HID1: variants seen among roughly 807,000 people sequenced by gnomAD.
The protein encoded by HID1 is protein HID1.
Under a neutral mutation model 89.7 loss-of-function variants are expected in HID1, and 42 were observed. That is an observed-to-expected ratio of 0.47 (90% CI 0.37 to 0.61). The LOEUF (loss-of-function observed/expected upper bound fraction) is 0.61, where lower values mean the gene tolerates loss of function less well. HID1 is among the 20% of genes least tolerant of loss of function. The probability of loss-of-function intolerance (pLI) is 0.00; values close to 1 mark genes in which losing one functional copy is unlikely to be tolerated. For synonymous variants in HID1, 442 were observed against 433.8 expected (o/e 1.02, Z -0.24); for missense variants, 854 against 1,039.3 (o/e 0.82, Z 2.45).
At chr17:74,965,447 AGACACACATGCGTACACACG>A (rs1203802410) in intron 1 of HID1, among the ~76,000 whole-genome samples, 1 of 152,236 alleles carries the variant, frequency 6.6e-6, no homozygotes, top group East Asian at 1.9e-4. Flanking sequence ...ACGTGCACAC[AGACACACATGCGTACACACG>A]TGTCATACAC....
chr17:74,956,015 C>CAGGA, intron 12 of HID1, 59 bp from the exon 13 acceptor site: 1 of 1,548,828 alleles, frequency 6.5e-7, no homozygotes, highest in Non-Finnish European at 8.8e-7. Flanking sequence ...CCTGCACATC[C>CAGGA]TGGGCCGGGG....
chr17:74,958,511 G>T lies in HID1; in HGVS notation c.1241-33C>A. On this transcript the variant is annotated intron_variant, in intron 10 of 18. Transcript: ENST00000425042. This position sits in a 1 kb window ranked among gnomAD's most constrained non-coding sequence, Gnocchi z 5.2. ...AGGTGGCGTGGGAGGGGTCACTCGGGTGGGAGGGGGAAGGAGGGGCCCAGG... is the reference window on the plus strand; with the variant it reads ...AGGTGGCGTGGGAGGGGTCACTCGGTTGGGAGGGGGAAGGAGGGGCCCAGG... 6.4e-7 allele frequency: 1 copy of T among 1,574,606 alleles called. No individual in the cohort carries two copies. Among genetic ancestry groups the T allele is most frequent in the Non-Finnish European group, 8.6e-7 (1 of 1,160,428 alleles).
In HID1 at chr17:74,972,725, C is replaced by T. The variant is rs1042255203; in HGVS notation, c.-69G>A. On this transcript the variant is annotated 5_prime_UTR_variant, in exon 1 of 19. Transcript: ENST00000425042. The surrounding 1 kb of genome is among the most constrained non-coding windows in gnomAD (Gnocchi z 6.4). ...CCCGGCTCCGGCTTCAGCTCCGGCT[C>T]CAGCTCCGCGGCCCCCGCGGCTCTC... 1.1e-5 allele frequency: 16 copies of T among 1,410,036 alleles called. No individual in the cohort carries two copies. The African/African-American group carries it at 1.9e-4, about 17-fold the overall frequency. 87.3% of individuals were successfully genotyped at this position (1,410,036 alleles called of 1,614,324 possible).
intron 13 of HID1, among the ~76,000 whole-genome samples, chr17:74,955,330 T>C (rs1045961797): frequency 6.6e-6 from 1 of 151,568 alleles, no homozygotes; most frequent in African/African-American, 2.4e-5. Flanking sequence ...AGATTGCTTG[T>C]CTCTATTAAA....
At chr17:74,955,530 A>G (rs28549718) in intron 13 of HID1, among the ~76,000 whole-genome samples, 9,639 of 152,004 alleles carry the variant, frequency 0.063, 1,017 homozygotes, top group African/African-American at 0.22. Context: ...GATGTCCATC[A>G]TCTGTTTGAA....
chr17:74,954,723 C>G (rs9891650), intron 13 of HID1: 12 of 303,162 alleles, frequency 4.0e-5, no homozygotes, highest in Admixed American at 1.5e-4. Flanking sequence ...TCTCTTCCCA[C>G]CTCCCCTCGA....
intron 14 of HID1, 48 bp from the exon 15 acceptor site, chr17:74,953,699 T>C (rs1392527052): frequency 7.0e-7 from 1 of 1,430,212 alleles, no homozygotes; most frequent in South Asian, 1.2e-5. Flanking sequence ...ACAGTGACCC[T>C]TCTAGCCCTT....
rs1241590229 is a variant in HID1, at chr17:74,951,640, A to G, written c.2304-7T>C. 2 of 1,611,462 alleles carry G rather than the reference A, an allele frequency of 1.2e-6. No homozygotes were observed. Among genetic ancestry groups the G allele is most frequent in the South Asian group, 2.2e-5 (2 of 90,374 alleles). On this transcript the variant is annotated splice_polypyrimidine_tract_variant and splice_region_variant and intron_variant, in intron 18 of 18. Transcript: ENST00000425042. ...GACAGGGGGGTCCACATTCCTGTGGAGGAAATGGGGGGTTACCCAGGTGCT... is the reference window on the plus strand; with the variant it reads ...GACAGGGGGGTCCACATTCCTGTGGGGGAAATGGGGGGTTACCCAGGTGCT...
intron 1 of HID1, among the ~76,000 whole-genome samples, chr17:74,969,789 T>C (rs1159124057): frequency 6.7e-6 from 1 of 150,152 alleles, no homozygotes; most frequent in African/African-American, 2.5e-5. Flanking sequence ...TTTTTAGAGA[T>C]AGGGTCTTGC....
chr17:74,951,928 G>A lies in HID1; in HGVS notation c.2280C>T (p.Tyr760=), dbSNP rs1335700688. The A allele has an allele frequency of 6.5e-7, 1 of 1,541,640 alleles. No individual in the cohort carries two copies. Among genetic ancestry groups the A allele is most frequent in the East Asian group, 2.3e-5 (1 of 43,312 alleles). The change falls in exon 18 of 19, where the codon TAC becomes TAT. Residue 760 remains tyrosine, a synonymous_variant. Transcript: ENST00000425042. ...ACCTCAGATAGATGACGCCCCACAT[G>A]TAGGTGCGGAACCACATGGCAGTGC... is the stretch of plus-strand genomic sequence containing the variant. ...NSGTAMWFRT[Y]MWGVIYLRNV...
rs748143848 is a variant in HID1 at position 74,958,393 on chromosome 17, G to C, written c.1326C>G (p.Pro442=). 1 of 1,611,754 alleles carries C rather than the reference G, an allele frequency of 6.2e-7. No individual in the cohort carries two copies. Among genetic ancestry groups the C allele is most frequent in the Non-Finnish European group, 8.5e-7 (1 of 1,179,058 alleles). Residue 442 remains proline, a synonymous_variant, in exon 11 of 19, where the codon CCC becomes CCG. Transcript: ENST00000425042. The surrounding 1 kb of genome is among the most constrained non-coding windows in gnomAD (Gnocchi z 5.2). ...ERNFGVRLNK[P]YSIRVPMDIP... is the part of the protein sequence containing the mutation. ...TGTCCATGGGCACGCGGATTGAGTA[G>C]GGTTTGTTCAGCCGCACCCCGAAGT...
At position 74,972,583 on chromosome 17, in the gene HID1, T is replaced by C. The variant is rs1017617616; in HGVS notation, c.66+8A>G. ...GTGGATGGGGACGCCGGGGCCCCCG[T>C]GGCGCACCTGCGTCTTGGTGGTGAG... On this transcript the variant is annotated splice_region_variant and intron_variant, in intron 1 of 18. Transcript: ENST00000425042. The surrounding 1 kb of genome is among the most constrained non-coding windows in gnomAD (Gnocchi z 6.4). The C allele has an allele frequency of 1.6e-5, 24 of 1,545,568 alleles. No homozygotes were observed. Among genetic ancestry groups the C allele is most frequent in the Non-Finnish European group, 1.9e-5 (22 of 1,144,266 alleles).
rs201626389 is a variant in HID1, at chr17:74,964,635, G to A, written c.67-3C>T. ...GCATCATCGGTGGCTTCCACGGGCTGTGGGGGGACCAAGGGTCCAGAGTTA... is the reference window on the plus strand; with the variant it reads ...GCATCATCGGTGGCTTCCACGGGCTATGGGGGGACCAAGGGTCCAGAGTTA... On this transcript the variant is annotated splice_region_variant and splice_polypyrimidine_tract_variant and intron_variant, in intron 1 of 18. Coordinates refer to ENST00000425042, the MANE Select transcript of HID1 (RefSeq NM_030630.3). The A allele has an allele frequency of 1.2e-5, 20 of 1,610,652 alleles. No homozygotes were observed. Among genetic ancestry groups the A allele is most frequent in the East Asian group, 2.2e-5 (1 of 44,840 alleles).
At chr17:74,952,926 G>A (rs2039327467) in intron 16 of HID1, 80 bp downstream of exon 16, 8 of 1,100,464 alleles carry the variant, frequency 7.3e-6, no homozygotes, top group South Asian at 3.0e-5. Context: ...CTGGGCCAAG[G>A]AGCCCCAACC....
rs191787625 is a variant in HID1 at position 74,960,693 on chromosome 17, T to C, written c.729-445A>G. On this transcript the variant is annotated intron_variant, in intron 6 of 18. Coordinates refer to ENST00000425042, the MANE Select transcript of HID1 (RefSeq NM_030630.3). ...TGATAAGGCTGGTGAGAAAGAAAAC[T>C]CTGGCCAGCCTCGGACTGTGGCTGG... Among the ~76,000 whole-genome samples the C allele has an allele frequency of 1.4e-4, 21 of 152,284 alleles. 1 individual carries two copies. The East Asian group carries it at 3.7e-3, about 27-fold the overall frequency.
chr17:74,952,167 G>A, intron 17 of HID1, 102 bp downstream of exon 17: 2 of 1,520,350 alleles, frequency 1.3e-6, no homozygotes, highest in Non-Finnish European at 1.8e-6. Flanking sequence ...GCCTACCTAA[G>A]CCTAGGCTGG....
intron 1 of HID1, among the ~76,000 whole-genome samples, chr17:74,966,928 G>C (rs2144826772): frequency 6.6e-6 from 1 of 152,248 alleles, no homozygotes; most frequent in South Asian, 2.1e-4. Context: ...CTGGGCAACA[G>C]AGCAAGACTC....
Position 74,954,422 on chromosome 17 carries a change from A to G in HID1, c.1637-57T>C, listed in dbSNP as rs985244699. On this transcript the variant is annotated intron_variant, in intron 13 of 18. Coordinates refer to ENST00000425042, the MANE Select transcript of HID1 (RefSeq NM_030630.3). ...AGGCCCCCTCCAGCTCCCCCCGTCC[A>G]ATCTGGGTGGGCTTCCTGGAAGGGG... is the stretch of plus-strand genomic sequence containing the variant. 4 of 1,546,742 alleles carry G rather than the reference A, an allele frequency of 2.6e-6. No homozygotes were observed. In the Admixed American group the frequency reaches 7.8e-5, roughly 30 times the overall value.
rs1334858610 is a variant in HID1 at position 74,962,118 on chromosome 17, G to A, written c.611+116C>T. ...TCCCGTTGACCCCTGTAAGGTCAAG[G>A]TCGGGTCATAGGTGAGGACGGTCTT... is the stretch of plus-strand genomic sequence containing the variant. On this transcript the variant is annotated intron_variant, in intron 5 of 18. Transcript: ENST00000425042. The surrounding 1 kb of genome is among the most constrained non-coding windows in gnomAD (Gnocchi z 4.3). 9.7e-6 allele frequency: 11 copies of A among 1,135,682 alleles called. No homozygotes were observed. The highest frequency in any genetic ancestry group is 1.4e-5 in the Non-Finnish European group (11 of 795,594). 70.4% of individuals were successfully genotyped at this position (1,135,682 alleles called of 1,614,324 possible).
Sources: allele counts gnomAD v4.1 joint callset (sites outside exome capture counted in the v4.1 genomes callset), GRCh38; gene constraint gnomAD v4.1.1; non-coding constraint Gnocchi (gnomAD v3.1); transcripts MANE v1.5; gene names NCBI Gene and HGNC (gene_info 2026-07-23, HGNC 2026-07-21).